Variants in CDC25A observed in about 807,000 individuals in gnomAD.
CDC25A encodes the protein cell division cycle 25A.
A neutral mutation model predicts 64.6 loss-of-function variants in CDC25A; 17 were observed. That is an observed-to-expected ratio of 0.26 (90% CI 0.18 to 0.39). The LOEUF (loss-of-function observed/expected upper bound fraction) is 0.39, where lower values mean the gene tolerates loss of function less well. Ranked by LOEUF, CDC25A falls within the 10% of genes least tolerant of loss-of-function variation. CDC25A has a pLI of 1.00. For missense variants in CDC25A, 473 were observed against 654.8 expected (o/e 0.72, Z 3.03); for synonymous variants, 229 against 238.6 (o/e 0.96, Z 0.37).
At chr3:48,161,803 A>G (rs981582409) in intron 13 of CDC25A, among the ~76,000 whole-genome samples, 2 of 151,892 alleles carry the variant, frequency 1.3e-5, no homozygotes, top group African/African-American at 4.8e-5. Flanking sequence ...TTTCAGGCCT[A>G]TAATCCCAGC....
At chr3:48,159,313 G>A (rs764207971) in intron 14 of CDC25A, 31 bp downstream of exon 14, 1 of 1,488,462 alleles carries the variant, frequency 6.7e-7, no homozygotes, top group African/African-American at 1.4e-5. Flanking sequence ...GGGCAGGGGA[G>A]GAGAGATGCT....
chr3:48,158,607 C>A lies in CDC25A; in HGVS notation c.*338G>T. On this transcript the variant is annotated 3_prime_UTR_variant, in exon 15 of 15. Coordinates refer to ENST00000302506, the MANE Select transcript of CDC25A (RefSeq NM_001789.3). ...TTCTGTGTAACTTCTCTACTCCCCT[C>A]CGTCTCCTCTCCCCTCATGAGATGG... 4.7e-6 allele frequency: 1 copy of A among 213,824 alleles called. No homozygotes were observed. 13.2% of individuals were successfully genotyped at this position (213,824 alleles called of 1,614,324 possible).
In CDC25A at chr3:48,159,451, G is replaced by A. The variant is rs1441940642; in HGVS notation, c.1327C>T (p.Arg443Trp). The change falls in exon 14 of 15, where the codon CGG becomes TGG. Residue 443 changes from arginine (R) to tryptophan (W), a missense_variant. By Grantham distance (101) the Arg-to-Trp change is moderately radical. This residue lies in a region of CDC25A where 97 missense variants were observed against 223.0 expected (regional missense o/e 0.43). Coordinates refer to ENST00000302506, the MANE Select transcript of CDC25A (RefSeq NM_001789.3). ...FSSERGPRMC[R>W]YVRERDRLGN... ...AGGCGATCTCTCTCTCTCACATACC[G>A]GCACCTAGTCAGGGGAAGGAAGGCC... 1 of 1,612,006 alleles carries A rather than the reference G, an allele frequency of 6.2e-7. No individual in the cohort carries two copies. Among genetic ancestry groups the A allele is most frequent in the East Asian group, 2.2e-5 (1 of 44,860 alleles).
intron 9 of CDC25A, among the ~76,000 whole-genome samples, chr3:48,169,042 A>G (rs191457990): frequency 6.6e-6 from 1 of 152,332 alleles, no homozygotes; most frequent in African/African-American, 2.4e-5. Flanking sequence ...ATACACAGAA[A>G]CACATTAAAT....
chr3:48,176,638 AAAAACAAAAC>A (rs201491367), intron 8 of CDC25A, among the ~76,000 whole-genome samples: 6 of 150,150 alleles, frequency 4.0e-5, no homozygotes, highest in South Asian at 2.1e-4. Context: ...ATTTTCAATG[AAAAACAAAAC>A]AAAACAAAAC....
intron 13 of CDC25A, among the ~76,000 whole-genome samples, chr3:48,161,692 G>T (rs1400081482): frequency 1.3e-5 from 2 of 152,006 alleles, no homozygotes; most frequent in African/African-American, 2.4e-5. Flanking sequence ...CTGGACAACA[G>T]AGACTGACCC....
intron 8 of CDC25A, among the ~76,000 whole-genome samples, chr3:48,176,215 T>C (rs909395632): frequency 2.6e-5 from 4 of 152,068 alleles, no homozygotes; most frequent in African/African-American, 9.7e-5. Context: ...TGTAGCTCAT[T>C]TGTTCTGTAA....
At position 48,157,326 on chromosome 3, in the gene CDC25A, G is replaced by A. The variant is rs2031558204; in HGVS notation, c.*1619C>T. 1.3e-5 allele frequency: 2 copies of A among 152,302 alleles called. No individual in the cohort carries two copies. Among genetic ancestry groups the A allele is most frequent in the Admixed American group, 1.3e-4 (2 of 15,258 alleles). The allele number at this position is 152,302 out of a possible 1,614,324, so 9.4% of individuals were successfully genotyped here. ...TTACAAACAATATCATTAACCAGTTGGAATCTGTCTCAATGCGCGTGTAGG... is the reference window on the plus strand; with the variant it reads ...TTACAAACAATATCATTAACCAGTTAGAATCTGTCTCAATGCGCGTGTAGG... On this transcript the variant is annotated 3_prime_UTR_variant, in exon 15 of 15. Transcript: ENST00000302506.
intron 9 of CDC25A, among the ~76,000 whole-genome samples, chr3:48,168,342 C>G (rs2032121619): frequency 2.1e-5 from 3 of 142,222 alleles, no homozygotes; most frequent in African/African-American, 7.9e-5. Flanking sequence ...CAGACCAGAT[C>G]AAAGAGCAAG....
intron 2 of CDC25A, among the ~76,000 whole-genome samples, chr3:48,185,923 A>T (rs1317837029): frequency 1.3e-5 from 2 of 152,222 alleles, no homozygotes; most frequent in African/African-American, 4.8e-5. Flanking sequence ...AGCCTACATT[A>T]CATTTTAAGA....
intron 1 of CDC25A, 134 bp downstream of exon 1, chr3:48,187,644 A>G (rs1295525964): frequency 5.7e-6 from 5 of 877,082 alleles, no homozygotes; most frequent in Non-Finnish European, 8.3e-6. Flanking sequence ...GGCAGGCCCT[A>G]GCCCGGCTGT....
chr3:48,170,766 G>A (rs2032241004), intron 9 of CDC25A, among the ~76,000 whole-genome samples: 1 of 152,098 alleles, frequency 6.6e-6, no homozygotes. Context: ...GTCCCACCCT[G>A]AAGCTATCAA....
chr3:48,175,282 A>G (rs969323911), intron 8 of CDC25A, among the ~76,000 whole-genome samples: 2 of 152,144 alleles, frequency 1.3e-5, no homozygotes, highest in Admixed American at 1.3e-4. Flanking sequence ...TGGGTGACAG[A>G]GCAAGACTCT....
chr3:48,164,277 C>A, intron 13 of CDC25A, 30 bp downstream of exon 13: 2 of 1,485,070 alleles, frequency 1.3e-6, no homozygotes, highest in Non-Finnish European at 1.8e-6. Flanking sequence ...GGAGCCTGTG[C>A]CCCAGAACCC....
intron 5 of CDC25A, chr3:48,181,792 A>T (rs1444276852): frequency 1.2e-3 from 171 of 148,128 alleles, no homozygotes; most frequent in Middle Eastern, 5.7e-3. Flanking sequence ...ATGAAGAATC[A>T]AAAAAAAAAA....
Position 48,188,102 on chromosome 3 carries a change from G to T in CDC25A, c.-155C>A, listed in dbSNP as rs2032917414. On this transcript the variant is annotated 5_prime_UTR_variant, in exon 1 of 15. Transcript: ENST00000302506. ...CGGTTCAGGGACGCGGCTGCCGCGG[G>T]CAAGCGGCGCGGCCGGGCGGGTGTG... 1.8e-6 allele frequency: 1 copy of T among 552,770 alleles called. No individual in the cohort carries two copies. Among genetic ancestry groups the T allele is most frequent in the Non-Finnish European group, 2.7e-6 (1 of 376,838 alleles). The allele number at this position is 552,770 out of a possible 1,614,324, so 34.2% of individuals were successfully genotyped here.
intron 1 of CDC25A, 26 bp from the exon 2 acceptor site, chr3:48,186,805 A>T: frequency 7.0e-7 from 1 of 1,425,516 alleles, no homozygotes; most frequent in Non-Finnish European, 9.8e-7. Flanking sequence ...ATAAACCATG[A>T]ATGATTTATA....
chr3:48,181,332 C>T (rs762389120), intron 5 of CDC25A, among the ~76,000 whole-genome samples: 9 of 150,676 alleles, frequency 6.0e-5, no homozygotes, highest in Non-Finnish European at 1.0e-4. Context: ...ACGATTCTTA[C>T]AAGCATAATG....
rs559469193 is a variant in CDC25A, at chr3:48,158,301, G to A, written c.*644C>T. On this transcript the variant is annotated 3_prime_UTR_variant, in exon 15 of 15. Coordinates refer to ENST00000302506, the MANE Select transcript of CDC25A (RefSeq NM_001789.3). ...CAGTACCACAGCGCCTCCTGGGGGT[G>A]ACAGAGCACCTAGCTTTCTGTCCGA... 5 of 152,522 alleles carry A rather than the reference G, an allele frequency of 3.3e-5. No homozygotes were observed. Among genetic ancestry groups the A allele is most frequent in the African/African-American group, 9.6e-5 (4 of 41,506 alleles). 9.4% of individuals were successfully genotyped at this position (152,522 alleles called of 1,614,324 possible).
Sources: allele counts gnomAD v4.1 joint callset (sites outside exome capture counted in the v4.1 genomes callset), GRCh38; gene constraint gnomAD v4.1.1; regional missense constraint gnomAD v4.1.1; transcripts MANE v1.5; gene names NCBI Gene and HGNC (gene_info 2026-07-23, HGNC 2026-07-21).